TNS3: variants seen among roughly 807,000 people sequenced by gnomAD.
TNS3 encodes the protein tensin-3.
TNS3 carries 45 observed loss-of-function variants against 140.9 expected under a neutral mutation model. The observed-to-expected ratio is 0.32, with a 90% CI of 0.25 to 0.41. The LOEUF (loss-of-function observed/expected upper bound fraction) is 0.41. Among genes scored for constraint, TNS3 ranks in the 10% least tolerant of loss-of-function variants. The probability of loss-of-function intolerance (pLI) is 1.00; values close to 1 mark genes in which losing one functional copy is unlikely to be tolerated. For missense variants in TNS3, 1,716 were observed against 1,906.7 expected, an observed-to-expected ratio of 0.90 and a Z score of 1.86; for synonymous variants, 815 against 788.4, an observed-to-expected ratio of 1.03 and a Z score of -0.56.
chr7:47,352,900 A>G (rs1386618221), intron 17 of TNS3, among the ~76,000 whole-genome samples: 3 of 152,316 alleles, frequency 2.0e-5, no homozygotes, highest in South Asian at 4.1e-4. Context: ...AAGTTACACC[A>G]GGGACTTCCA....
In TNS3 at chr7:47,442,023, G is replaced by A; in HGVS notation, c.-43C>T. The A allele has an allele frequency of 1.6e-6, 2 of 1,289,692 alleles. No homozygotes were observed. 79.9% of individuals were successfully genotyped at this position (1,289,692 alleles called of 1,614,324 possible). On this transcript the variant is annotated 5_prime_UTR_variant, in exon 5 of 31. Coordinates refer to ENST00000311160, the MANE Select transcript of TNS3 (RefSeq NM_022748.12). ...CTCACCGCAGAGGTTTATCACGGCA[G>A]AGAGAACTGGACAGCGTGGAACTCC...
At chr7:47,448,475 G>GATTT (rs1795858221) in intron 4 of TNS3, among the ~76,000 whole-genome samples, 1 of 105,326 alleles carries the variant, frequency 9.5e-6, no homozygotes, top group African/African-American at 4.1e-5. Flanking sequence ...GTGGGAATTC[G>GATTT]ATTTTTTTTT....
At chr7:47,434,026 CTG>C (rs926691237) in intron 8 of TNS3, among the ~76,000 whole-genome samples, 1 of 151,846 alleles carries the variant, frequency 6.6e-6, no homozygotes, top group Non-Finnish European at 1.5e-5. Flanking sequence ...ATGGGTGTAC[CTG>C]TCCATTTGGG....
chr7:47,360,204 C>A (rs1238863778), intron 17 of TNS3, among the ~76,000 whole-genome samples: 1 of 152,178 alleles, frequency 6.6e-6, no homozygotes, highest in South Asian at 2.1e-4. Flanking sequence ...GTGCAGTGGG[C>A]TGACTCGGTT....
At chr7:47,395,619 C>A (rs1792784255) in intron 16 of TNS3, among the ~76,000 whole-genome samples, 1 of 152,202 alleles carries the variant, frequency 6.6e-6, no homozygotes, top group Admixed American at 6.5e-5. Context: ...AGCTACATTT[C>A]TTTTAACGTG....
At chr7:47,296,998 C>A in intron 24 of TNS3, 84 bp downstream of exon 24, 2 of 1,519,818 alleles carry the variant, frequency 1.3e-6, no homozygotes, top group African/African-American at 2.8e-5. Flanking sequence ...TTAAAGTCAT[C>A]TTTTATTTTA....
At chr7:47,447,544 G>A in intron 4 of TNS3, among the ~76,000 whole-genome samples, 1 of 152,088 alleles carries the variant, frequency 6.6e-6, no homozygotes, top group Non-Finnish European at 1.5e-5. Context: ...TTCCAGGACT[G>A]TGCGCTCATG....
chr7:47,318,709 G>A (rs1787554055), intron 20 of TNS3, among the ~76,000 whole-genome samples: 2 of 152,148 alleles, frequency 1.3e-5, no homozygotes, highest in Non-Finnish European at 2.9e-5. Context: ...TGAGAGCCCT[G>A]GGCTGATTAT....
chr7:47,435,229 T>C, intron 8 of TNS3, 53 bp downstream of exon 8: 2 of 1,606,822 alleles, frequency 1.2e-6, no homozygotes, highest in Non-Finnish European at 1.7e-6. Context: ...CCATCTCAAC[T>C]CCAAAGGCTG....
At chr7:47,528,691 A>G (rs1369231485) in intron 2 of TNS3, among the ~76,000 whole-genome samples, 2 of 152,266 alleles carry the variant, frequency 1.3e-5, no homozygotes, top group South Asian at 2.1e-4. Flanking sequence ...AGATAGAAAC[A>G]TTTCATTCGC....
chr7:47,559,306 C>T (rs957525361), intron 1 of TNS3, among the ~76,000 whole-genome samples: 3 of 152,140 alleles, frequency 2.0e-5, no homozygotes, highest in African/African-American at 2.4e-5. Flanking sequence ...GCCAAGATCA[C>T]GCCACTGCAC....
chr7:47,333,909 C>A (rs930515736), intron 20 of TNS3, among the ~76,000 whole-genome samples: 3 of 152,164 alleles, frequency 2.0e-5, no homozygotes, highest in Non-Finnish European at 4.4e-5. Flanking sequence ...AGACTGCCCC[C>A]AATACCATGC....
intron 4 of TNS3, among the ~76,000 whole-genome samples, chr7:47,457,256 G>A (rs1202860044): frequency 1.3e-5 from 2 of 151,730 alleles, no homozygotes; most frequent in Admixed American, 6.6e-5. Flanking sequence ...CTGCCACCAT[G>A]GTTCATTCTA....
chr7:47,338,107 T>G (rs1043818986), intron 20 of TNS3, among the ~76,000 whole-genome samples: 4 of 152,196 alleles, frequency 2.6e-5, no homozygotes, highest in Non-Finnish European at 5.9e-5. Flanking sequence ...GTTTAACCAC[T>G]GGCCTGTTGA....
chr7:47,361,777 C>T (rs1237185156), intron 17 of TNS3, among the ~76,000 whole-genome samples: 3 of 152,114 alleles, frequency 2.0e-5, no homozygotes, highest in Non-Finnish European at 4.4e-5. Flanking sequence ...CTGGGAGGGA[C>T]ATTAAATGCC....
At chr7:47,497,057 G>A (rs1184623952) in intron 3 of TNS3, among the ~76,000 whole-genome samples, 1 of 152,132 alleles carries the variant, frequency 6.6e-6, no homozygotes, top group African/African-American at 2.4e-5. Flanking sequence ...GTGGGCCTCA[G>A]GCTAAGTCTG....
intron 2 of TNS3, among the ~76,000 whole-genome samples, chr7:47,513,916 A>G (rs2151901504): frequency 6.6e-6 from 1 of 152,358 alleles, no homozygotes; most frequent in South Asian, 2.1e-4. Flanking sequence ...CTCCCGCTGC[A>G]GCAGTTACAG....
chr7:47,431,716 GAAA>G (rs1794940692), intron 8 of TNS3, among the ~76,000 whole-genome samples: 1 of 152,096 alleles, frequency 6.6e-6, no homozygotes, highest in South Asian at 2.1e-4. Flanking sequence ...GGAGAGACTA[GAAA>G]AACAATAGAA....
intron 1 of TNS3, chr7:47,556,994 C>A: frequency 2.2e-6 from 1 of 455,796 alleles, no homozygotes; most frequent in South Asian, 1.6e-5. Flanking sequence ...CCCCCACAGA[C>A]GATAACCAGG....
Sources: allele counts gnomAD v4.1 joint callset (sites outside exome capture counted in the v4.1 genomes callset), GRCh38; gene constraint gnomAD v4.1.1; transcripts MANE v1.5; gene names NCBI Gene and HGNC (gene_info 2026-07-23, HGNC 2026-07-21).